The following PELI2 variants were observed in gnomAD, a reference collection of about 807,000 sequenced individuals.
PELI2 encodes the protein pellino E3 ubiquitin protein ligase family member 2, also known as E3 ubiquitin-protein ligase pellino homolog 2.
A neutral mutation model predicts 42.3 loss-of-function variants in PELI2; 23 were observed. That is an observed-to-expected ratio of 0.54 (90% CI 0.39 to 0.77). PELI2 has a LOEUF of 0.77. PELI2 is among the 30% of genes least tolerant of loss of function. The pLI is 0.00. For missense variants in PELI2, 463 were observed against 553.2 expected (o/e 0.84, Z 1.64); for synonymous variants, 245 against 212.2 (o/e 1.15, Z -1.34).
intron 1 of PELI2, among the ~76,000 whole-genome samples, chr14:56,152,847 G>T (rs1279685321): frequency 7.2e-5 from 11 of 152,280 alleles, no homozygotes; most frequent in African/African-American, 2.4e-4. Context: ...TCCAGTTGAT[G>T]TCAGTTAGAA....
At chr14:56,216,525 A>C (rs1236214870) in intron 2 of PELI2, among the ~76,000 whole-genome samples, 1 of 152,266 alleles carries the variant, frequency 6.6e-6, no homozygotes, top group Non-Finnish European at 1.5e-5. Flanking sequence ...GACACTCCTA[A>C]AGGCAGATAT....
At chr14:56,222,511 A>G (rs1275088894) in intron 2 of PELI2, among the ~76,000 whole-genome samples, 2 of 152,232 alleles carry the variant, frequency 1.3e-5, no homozygotes, top group African/African-American at 4.8e-5. Flanking sequence ...ATGTATTTCC[A>G]TTAAAACAGC....
chr14:56,121,820 C>T (rs1302686228), intron 1 of PELI2, among the ~76,000 whole-genome samples: 1 of 152,172 alleles, frequency 6.6e-6, no homozygotes, highest in East Asian at 1.9e-4. Flanking sequence ...CTCAGTAATT[C>T]TGTTCATTGG....
Position 56,296,865 on chromosome 14 carries a change from A to G in PELI2, c.962A>G (p.Asn321Ser), listed in dbSNP as rs745496225. The change falls in exon 6 of 6, where the codon AAC becomes AGC. Residue 321 changes from asparagine to serine, a missense_variant. Asn to Ser is a conservative substitution (Grantham distance 46, BLOSUM62 1). Transcript: ENST00000267460. ...LSCGHVHGYH[N>S]WGHRSDTEAN... ...TGTGGCCACGTGCACGGGTACCACA[A>G]CTGGGGCCATCGGAGTGACACGGAG... 66 of 1,613,988 alleles carry G rather than the reference A, an allele frequency of 4.1e-5. No individual in the cohort carries two copies. The highest frequency in any genetic ancestry group is 5.3e-5 in the Non-Finnish European group (63 of 1,180,026).
chr14:56,250,331 A>G lies in PELI2; in HGVS notation c.208-29345A>G, dbSNP rs138971328. ...TTTCTAGAAGCAAAGTGTATTAGTT[A>G]GGGTTCTCTAATGGGACAGAACTAA... On this transcript the variant is annotated intron_variant, in intron 2 of 5. Coordinates refer to ENST00000267460, the MANE Select transcript of PELI2 (RefSeq NM_021255.3). Among the ~76,000 whole-genome samples the G allele has an allele frequency of 2.7e-3, 406 of 152,314 alleles. 1 individual carries two copies. Among genetic ancestry groups the G allele is most frequent in the African/African-American group, 9.3e-3 (388 of 41,550 alleles).
At chr14:56,137,376 A>G (rs1369493899) in intron 1 of PELI2, among the ~76,000 whole-genome samples, 1 of 152,168 alleles carries the variant, frequency 6.6e-6, no homozygotes, top group East Asian at 1.9e-4. Context: ...GTGGAGGAAA[A>G]GAATGAAACC....
intron 2 of PELI2, among the ~76,000 whole-genome samples, chr14:56,230,224 C>T (rs1031379425): frequency 2.6e-5 from 4 of 152,146 alleles, no homozygotes; most frequent in African/African-American, 9.7e-5. Context: ...GGCAGGCCAG[C>T]ATTCAAATTC....
intron 1 of PELI2, among the ~76,000 whole-genome samples, chr14:56,157,632 ATCTCCTT>A (rs1884615963): frequency 1.3e-5 from 2 of 152,220 alleles, no homozygotes; most frequent in African/African-American, 4.8e-5. Context: ...GCAATTAAGT[ATCTCCTT>A]AGTAAGTAAT....
At chr14:56,172,919 C>T (rs183940850) in intron 1 of PELI2, among the ~76,000 whole-genome samples, 1 of 152,274 alleles carries the variant, frequency 6.6e-6, no homozygotes, top group Non-Finnish European at 1.5e-5. Context: ...TTTTCCTGGT[C>T]CTGGTCCTTA....
At chr14:56,170,157 A>G (rs772838926) in intron 1 of PELI2, among the ~76,000 whole-genome samples, 24 of 152,194 alleles carry the variant, frequency 1.6e-4, no homozygotes, top group Non-Finnish European at 3.2e-4. Flanking sequence ...CAAGTGACAG[A>G]GCAGTTGCTT....
At chr14:56,188,832 G>T (rs1169414307) in intron 2 of PELI2, among the ~76,000 whole-genome samples, 3 of 152,188 alleles carry the variant, frequency 2.0e-5, no homozygotes, top group Non-Finnish European at 4.4e-5. Flanking sequence ...TTGGGCAAAA[G>T]ATGCCTTTTT....
intron 1 of PELI2, among the ~76,000 whole-genome samples, chr14:56,165,787 G>T (rs968185449): frequency 1.3e-5 from 2 of 151,976 alleles, no homozygotes; most frequent in African/African-American, 4.8e-5. Flanking sequence ...TTTTCTTACA[G>T]TTTTTTTCTC....
At chr14:56,152,782 A>G (rs535426978) in intron 1 of PELI2, among the ~76,000 whole-genome samples, 1 of 152,342 alleles carries the variant, frequency 6.6e-6, no homozygotes, top group South Asian at 2.1e-4. Context: ...CTTATAGTAG[A>G]TATATTTGTA....
intron 5 of PELI2, among the ~76,000 whole-genome samples, chr14:56,294,797 C>A (rs559326934): frequency 6.6e-6 from 1 of 152,320 alleles, no homozygotes; most frequent in Admixed American, 6.5e-5. Flanking sequence ...TCACATTCAG[C>A]ACACCCAAAA....
rs1275765307 is a variant in PELI2 at position 56,296,833 on chromosome 14, T to C, written c.930T>C (p.Tyr310=). 2.5e-6 allele frequency: 4 copies of C among 1,613,972 alleles called. No homozygotes were observed. Among genetic ancestry groups the C allele is most frequent in the Non-Finnish European group, 3.4e-6 (4 of 1,180,028 alleles). The part of the protein sequence containing the change: ...EVVEEKQPWA[Y]LSCGHVHGYH... ...TGGAGGAGAAGCAGCCCTGGGCATATCTCAGTTGTGGCCACGTGCACGGGT... is the reference window on the plus strand; with the variant it reads ...TGGAGGAGAAGCAGCCCTGGGCATACCTCAGTTGTGGCCACGTGCACGGGT... The change falls in exon 6 of 6, where the codon TAT becomes TAC. Residue 310 remains tyrosine (Y), a synonymous_variant. Coordinates refer to ENST00000267460, the MANE Select transcript of PELI2 (RefSeq NM_021255.3).
chr14:56,163,621 G>A (rs1884845609), intron 1 of PELI2, among the ~76,000 whole-genome samples: 1 of 151,834 alleles, frequency 6.6e-6, no homozygotes, highest in Non-Finnish European at 1.5e-5. Flanking sequence ...GATGTTACTG[G>A]TATTTCAATA....
chr14:56,186,464 G>T (rs934377390), intron 2 of PELI2, among the ~76,000 whole-genome samples: 2 of 152,198 alleles, frequency 1.3e-5, no homozygotes, highest in Non-Finnish European at 2.9e-5. Flanking sequence ...TAATACATTA[G>T]TGTTGTTTTT....
intron 1 of PELI2, among the ~76,000 whole-genome samples, chr14:56,138,605 C>T (rs1883772152): frequency 6.6e-6 from 1 of 152,032 alleles, no homozygotes; most frequent in Admixed American, 6.5e-5. Flanking sequence ...GTTTAGTACA[C>T]TTAAGAAAAA....
intron 1 of PELI2, among the ~76,000 whole-genome samples, chr14:56,163,072 C>A (rs2139643117): frequency 6.6e-6 from 1 of 152,166 alleles, no homozygotes; most frequent in East Asian, 1.9e-4. Context: ...CTTTGCTGTG[C>A]AGAAACTTTT....
Sources: gnomAD v4.1 joint callset for allele counts (sites outside exome capture counted in the v4.1 genomes callset) on GRCh38, gnomAD v4.1.1 for gene constraint, MANE v1.5 for transcripts, NCBI Gene and HGNC (gene_info 2026-07-23, HGNC 2026-07-21) for gene names.